The following AGPAT3 variants were observed in gnomAD, a reference collection of about 807,000 sequenced individuals.
The protein encoded by AGPAT3 is 1-acylglycerol-3-phosphate O-acyltransferase 3.
In AGPAT3, 5 loss-of-function variants were observed where a neutral mutation model predicts 47.3. That is an observed-to-expected ratio of 0.11 (90% CI 0.06 to 0.22). The LOEUF (loss-of-function observed/expected upper bound fraction) is 0.22, where lower values mean the gene tolerates loss of function less well. Ranked by LOEUF, AGPAT3 falls within the 10% of genes least tolerant of loss-of-function variation. The pLI, the probability that AGPAT3 is intolerant of heterozygous loss-of-function variation, is 1.00. For synonymous variants in AGPAT3, 212 were observed against 208.3 expected, an observed-to-expected ratio of 1.02 and a Z score of -0.15; for missense variants, 315 against 493.0, an observed-to-expected ratio of 0.64 and a Z score of 3.42.
Position 43,891,753 on chromosome 21 carries a change from T to C in AGPAT3, c.-111-12204T>C, listed in dbSNP as rs116356070. Among the ~76,000 whole-genome samples the C allele has an allele frequency of 1.3e-3, 197 of 152,326 alleles. 2 individuals are homozygous for C. Among genetic ancestry groups the C allele is most frequent in the African/African-American group, 4.5e-3 (186 of 41,572 alleles). ...CTAGTTCTCTTGCTATTTCCACCAC[T>C]TCTGCAGTGACTTCTTCTGCTGAAG... On this transcript the variant is annotated intron_variant, in intron 1 of 9. Coordinates refer to ENST00000291572, the MANE Select transcript of AGPAT3 (RefSeq NM_020132.5).
At chr21:43,961,118 G>A (rs1461004832) in intron 3 of AGPAT3, among the ~76,000 whole-genome samples, 1 of 151,546 alleles carries the variant, frequency 6.6e-6, no homozygotes, top group Non-Finnish European at 1.5e-5. Context: ...ACTCCAGCCT[G>A]GGCAACAGAG....
intron 1 of AGPAT3, among the ~76,000 whole-genome samples, chr21:43,877,847 C>T (rs2085767600): frequency 6.6e-6 from 1 of 152,142 alleles, no homozygotes. Context: ...CTTCTGTCTC[C>T]ACTGGTGTCC....
chr21:43,917,766 C>T (rs2086766197), intron 2 of AGPAT3, among the ~76,000 whole-genome samples: 1 of 146,030 alleles, frequency 6.8e-6, no homozygotes, highest in Non-Finnish European at 1.5e-5. Flanking sequence ...CCCGGCAGAA[C>T]TGTGTTGGGG....
chr21:43,907,650 G>A (rs1186202390), intron 2 of AGPAT3, among the ~76,000 whole-genome samples: 1 of 152,176 alleles, frequency 6.6e-6, no homozygotes, highest in Non-Finnish European at 1.5e-5. Flanking sequence ...CCGGGAGGCG[G>A]AGCTTGTGGT....
At chr21:43,867,055 G>C (rs765984851) in intron 1 of AGPAT3, 1 of 152,296 alleles carries the variant, frequency 6.6e-6, no homozygotes, top group Non-Finnish European at 1.5e-5. Context: ...CCAGGACTGG[G>C]GAAGCAAACT....
chr21:43,978,366 G>A (rs191953487), intron 8 of AGPAT3, among the ~76,000 whole-genome samples: 34 of 152,312 alleles, frequency 2.2e-4, no homozygotes, highest in Non-Finnish European at 2.9e-5. Flanking sequence ...GCAGTGGTGC[G>A]ATCCTGGCTC....
rs1486926923 is a variant in AGPAT3, at chr21:43,930,591, G to A, written c.-49+26572G>A. 1.3e-5 allele frequency among the ~76,000 whole-genome samples: 2 copies of A among 151,628 alleles called. No homozygotes were observed. Among genetic ancestry groups the A allele is most frequent in the Non-Finnish European group, 2.9e-5 (2 of 67,906 alleles). On this transcript the variant is annotated intron_variant, in intron 2 of 9. Transcript: ENST00000291572. This position sits in a 1 kb window ranked among gnomAD's most constrained non-coding sequence, Gnocchi z 5.0. ...AACTCAGAGGCTGCAGCTCCTGATT[G>A]TGGGTGTCCACAGTGGGCAGGCCTG...
At position 43,932,200 on chromosome 21, in the gene AGPAT3, A is replaced by G. The variant is rs1395085273; in HGVS notation, c.-48-27434A>G. ...TGGTCGCCACGCAGCGCGGCCGATC[A>G]CGAACACGTCCCTCCAGTCTAACTG... is the stretch of plus-strand genomic sequence containing the variant. On this transcript the variant is annotated intron_variant, in intron 2 of 9. Coordinates refer to ENST00000291572, the MANE Select transcript of AGPAT3 (RefSeq NM_020132.5). This position sits in a 1 kb window ranked among gnomAD's most constrained non-coding sequence, Gnocchi z 5.2. Among the ~76,000 whole-genome samples, 1 of 152,198 alleles carries G rather than the reference A, an allele frequency of 6.6e-6. No homozygotes were observed. The highest frequency in any genetic ancestry group is 1.5e-5 in the Non-Finnish European group (1 of 68,024).
chr21:43,882,314 T>C (rs887981196), intron 1 of AGPAT3, among the ~76,000 whole-genome samples: 5 of 152,280 alleles, frequency 3.3e-5, no homozygotes, highest in African/African-American at 9.6e-5. Flanking sequence ...TTGTGCAGTA[T>C]GGAAATAGGT....
chr21:43,955,091 G>A lies in AGPAT3; in HGVS notation c.-48-4543G>A. ...TGGGTGCCAGCTGCCTGTCGGCAGG[G>A]AGCGTATCACCGTGGCACGTCCATG... On this transcript the variant is annotated intron_variant, in intron 2 of 9. Transcript: ENST00000291572. The surrounding 1 kb of genome is among the most constrained non-coding windows in gnomAD (Gnocchi z 4.1). 2 of 1,257,838 alleles carry A rather than the reference G, an allele frequency of 1.6e-6. No individual in the cohort carries two copies. Among genetic ancestry groups the A allele is most frequent in the Non-Finnish European group, 2.1e-6 (2 of 968,456 alleles). The allele number at this position is 1,257,838 out of a possible 1,614,324, so 77.9% of individuals were successfully genotyped here.
chr21:43,959,179 AGT>A (rs1236001901), intron 2 of AGPAT3, among the ~76,000 whole-genome samples: 9 of 84,044 alleles, frequency 1.1e-4, no homozygotes, highest in Non-Finnish European at 1.6e-4. Flanking sequence ...TGTGGTTTGC[AGT>A]GTGTGTGGCG....
chr21:43,925,300 C>T (rs73371158), intron 2 of AGPAT3: 9,964 of 152,462 alleles, frequency 0.065, 941 homozygotes, highest in African/African-American at 0.21. Flanking sequence ...CTCCTCCCTG[C>T]TCAGGCAAGA....
In AGPAT3 at chr21:43,986,939, C is replaced by G. The variant is rs73226964; in HGVS notation, c.*4547C>G. ...TAGAAGCTTGTCGGGGTGAGGGCTG[C>G]TAACTTACACTTCAGAGGCCTGTGT... is the stretch of plus-strand genomic sequence containing the variant. On this transcript the variant is annotated 3_prime_UTR_variant, in exon 10 of 10. Transcript: ENST00000291572. 0.017 allele frequency among the ~76,000 whole-genome samples: 2,586 copies of G among 152,306 alleles called. 36 individuals are homozygous for G. The highest frequency in any genetic ancestry group is 0.036 in the South Asian group (174 of 4,832).
intron 2 of AGPAT3, among the ~76,000 whole-genome samples, chr21:43,923,424 C>T (rs985102847): frequency 3.3e-5 from 5 of 152,320 alleles, no homozygotes; most frequent in African/African-American, 9.6e-5. Context: ...ACACTTCTGC[C>T]GTGAGATGCG....
rs552147665 is a variant in AGPAT3 at position 43,971,509 on chromosome 21, G to T, written c.767+19G>T. On this transcript the variant is annotated intron_variant, in intron 7 of 9. Coordinates refer to ENST00000291572, the MANE Select transcript of AGPAT3 (RefSeq NM_020132.5). ...GCGTGAGGTGAGGCCAGACCCTGTGGCTCTCGCGCCGCCCCCCATACCTTC... is the reference window on the plus strand; with the variant it reads ...GCGTGAGGTGAGGCCAGACCCTGTGTCTCTCGCGCCGCCCCCCATACCTTC... 2 of 1,611,844 alleles carry T rather than the reference G, an allele frequency of 1.2e-6. No individual in the cohort carries two copies. Among genetic ancestry groups the T allele is most frequent in the South Asian group, 2.2e-5 (2 of 91,034 alleles).
At chr21:43,915,348 G>GC (rs1042568134) in intron 2 of AGPAT3, among the ~76,000 whole-genome samples, 44 of 143,736 alleles carry the variant, frequency 3.1e-4, no homozygotes, top group African/African-American at 1.1e-3. Context: ...CACTGCGCCT[G>GC]CCCCCCAGCC....
At chr21:43,971,588 C>T in intron 7 of AGPAT3, 98 bp downstream of exon 7, 2 of 1,105,178 alleles carry the variant, frequency 1.8e-6, no homozygotes, top group Non-Finnish European at 2.7e-6. Flanking sequence ...GGCCCCACGT[C>T]CCACAGCCCC....
At chr21:43,872,248 T>G (rs946402120) in intron 1 of AGPAT3, among the ~76,000 whole-genome samples, 2 of 151,690 alleles carry the variant, frequency 1.3e-5, no homozygotes, top group Admixed American at 1.3e-4. Flanking sequence ...TGGCAGGATC[T>G]CAGTTCACTG....
chr21:43,943,941 G>A (rs896888782), intron 2 of AGPAT3, among the ~76,000 whole-genome samples: 3 of 152,218 alleles, frequency 2.0e-5, no homozygotes, highest in Admixed American at 2.0e-4. Flanking sequence ...GGAGTGGAGG[G>A]GCAAGTGCCT....
Sources: allele counts gnomAD v4.1 joint callset (sites outside exome capture counted in the v4.1 genomes callset), GRCh38; gene constraint gnomAD v4.1.1; non-coding constraint Gnocchi (gnomAD v3.1); transcripts MANE v1.5; gene names NCBI Gene and HGNC (gene_info 2026-07-23, HGNC 2026-07-21).